Variants in CSMD3 observed in about 807,000 individuals in gnomAD.
CSMD3 encodes CUB and Sushi multiple domains 3.
CSMD3 carries 177 observed loss-of-function variants against 435.2 expected under a neutral mutation model. The ratio of observed to expected loss-of-function variants is 0.41; its 90% CI spans 0.36 to 0.46. CSMD3 has a LOEUF of 0.46. CSMD3 is among the 20% of genes least tolerant of loss of function. The pLI is 0.34. For missense variants in CSMD3, 4,265 were observed against 4,504.6 expected, an observed-to-expected ratio of 0.95 and a Z score of 1.52; for synonymous variants, 1,656 against 1,520.5, an observed-to-expected ratio of 1.09 and a Z score of -2.07.
At chr8:112,997,576 G>T (rs898707210) in intron 6 of CSMD3, among the ~76,000 whole-genome samples, 1 of 151,482 alleles carries the variant, frequency 6.6e-6, no homozygotes, top group Non-Finnish European at 1.5e-5. Flanking sequence ...ATAAAGGTGA[G>T]AATTTGATGG....
At chr8:112,759,750 T>C (rs2077791655) in intron 13 of CSMD3, among the ~76,000 whole-genome samples, 1 of 152,134 alleles carries the variant, frequency 6.6e-6, no homozygotes, top group South Asian at 2.1e-4. Flanking sequence ...TTCGCAGCCT[T>C]TTAGTGATCT....
At chr8:113,189,892 A>T (rs1187835932) in intron 3 of CSMD3, among the ~76,000 whole-genome samples, 1 of 151,830 alleles carries the variant, frequency 6.6e-6, no homozygotes, top group African/African-American at 2.4e-5. Context: ...TAGTTTGGAA[A>T]TATTTTATTG....
At chr8:113,355,281 CAT>C (rs372642920) in intron 1 of CSMD3, among the ~76,000 whole-genome samples, 12 of 150,780 alleles carry the variant, frequency 8.0e-5, no homozygotes, top group Non-Finnish European at 1.3e-4. Flanking sequence ...CACACACACA[CAT>C]ATATATATAT....
chr8:113,055,249 C>G (rs936214192), intron 5 of CSMD3, among the ~76,000 whole-genome samples: 4 of 152,158 alleles, frequency 2.6e-5, no homozygotes, highest in African/African-American at 9.6e-5. Context: ...CTCCTGCGTT[C>G]AAGCAATTCT....
chr8:112,262,499 A>C (rs1816516180), intron 61 of CSMD3, among the ~76,000 whole-genome samples: 1 of 152,178 alleles, frequency 6.6e-6, no homozygotes. Context: ...AATGTATAGT[A>C]TGTCTTAGGA....
chr8:112,352,550 G>A lies in CSMD3; in HGVS notation c.6137-16C>T, dbSNP rs776007477. The A allele has an allele frequency of 6.3e-7, 1 of 1,595,252 alleles. No individual in the cohort carries two copies. The highest frequency in any genetic ancestry group is 8.6e-7 in the Non-Finnish European group (1 of 1,163,892). On this transcript the variant is annotated splice_polypyrimidine_tract_variant and intron_variant, in intron 38 of 70. Transcript: ENST00000297405. The stretch of plus-strand genomic sequence containing the variant: ...AAACCAATTGCTAAGAATATTTAAT[G>A]ATAACAATTTAAGTAACTTTCAAGT...
At chr8:112,917,000 C>G (rs999703150) in intron 10 of CSMD3, among the ~76,000 whole-genome samples, 1 of 151,856 alleles carries the variant, frequency 6.6e-6, no homozygotes, top group East Asian at 1.9e-4. Context: ...GCAGCTCTTA[C>G]GTTTGACCAG....
chr8:113,080,598 G>A (rs929966530), intron 5 of CSMD3, among the ~76,000 whole-genome samples: 2 of 152,074 alleles, frequency 1.3e-5, no homozygotes, highest in African/African-American at 2.4e-5. Flanking sequence ...AAATAAGGAA[G>A]TCATTCATTT....
At chr8:113,423,566 T>C (rs1326114278) in intron 1 of CSMD3, among the ~76,000 whole-genome samples, 1 of 151,988 alleles carries the variant, frequency 6.6e-6, no homozygotes, top group Non-Finnish European at 1.5e-5. Context: ...TTGTATAATA[T>C]AGCTTTGTCA....
At chr8:113,022,854 C>G (rs1564219700) in intron 5 of CSMD3, among the ~76,000 whole-genome samples, 1 of 151,814 alleles carries the variant, frequency 6.6e-6, no homozygotes. Context: ...GACAATAATA[C>G]AGAGTAACTT....
intron 1 of CSMD3, among the ~76,000 whole-genome samples, chr8:113,357,625 T>C (rs2094240785): frequency 6.6e-6 from 1 of 152,212 alleles, no homozygotes; most frequent in African/African-American, 2.4e-5. Context: ...TGGAGTATGA[T>C]ATGGTTTGGC....
At chr8:112,532,444 A>T (rs1298954446) in intron 27 of CSMD3, among the ~76,000 whole-genome samples, 1 of 152,182 alleles carries the variant, frequency 6.6e-6, no homozygotes, top group Non-Finnish European at 1.5e-5. Context: ...TGTCAAGGAC[A>T]AAGAGGATTC....
At chr8:113,365,696 G>A (rs912691119) in intron 1 of CSMD3, among the ~76,000 whole-genome samples, 2 of 151,868 alleles carry the variant, frequency 1.3e-5, no homozygotes, top group Admixed American at 6.6e-5. Context: ...AACAAAAATC[G>A]GACCTGAACA....
Position 112,685,594 on chromosome 8 carries a change from T to A in CSMD3, c.2294A>T (p.Asp765Val), listed in dbSNP as rs2075992879. The A allele has an allele frequency of 6.2e-7, 1 of 1,613,782 alleles. No individual in the cohort carries two copies. Residue 765 changes from aspartate (D) to valine (V), a missense_variant, in exon 15 of 71, where the codon GAC becomes GTC. Transcript: ENST00000297405. ...ATCAAACTGGGATTCCAGGTCAAAG[T>A]CATTGAAAGAAAGATGTATCCGGCT... Reference protein sequence around the residue: ...PGSRIHLSFNDFDLESQFDFL... With the variant: ...PGSRIHLSFNVFDLESQFDFL...
intron 3 of CSMD3, among the ~76,000 whole-genome samples, chr8:113,222,469 AT>A (rs1180546990): frequency 6.6e-6 from 1 of 151,064 alleles, no homozygotes; most frequent in African/African-American, 2.4e-5. Context: ...GCTATAAAAC[AT>A]TATTTTCATA....
chr8:113,352,757 A>G (rs2094198320), intron 1 of CSMD3, among the ~76,000 whole-genome samples: 2 of 152,202 alleles, frequency 1.3e-5, no homozygotes, highest in African/African-American at 4.8e-5. Flanking sequence ...GGATGGCTAA[A>G]GAGCAGTAGT....
chr8:112,859,001 G>GT, intron 11 of CSMD3, 144 bp downstream of exon 11: 3 of 673,734 alleles, frequency 4.5e-6, no homozygotes, highest in Non-Finnish European at 7.6e-6. Flanking sequence ...TATAAATCTG[G>GT]TTTATAAACT....
chr8:113,330,855 A>T (rs995957861), intron 1 of CSMD3, among the ~76,000 whole-genome samples: 1 of 151,916 alleles, frequency 6.6e-6, no homozygotes, highest in Non-Finnish European at 1.5e-5. Flanking sequence ...CTCTGCTTTC[A>T]GTAATGGATA....
chr8:113,212,709 A>G (rs1461195008), intron 3 of CSMD3, among the ~76,000 whole-genome samples: 1 of 151,080 alleles, frequency 6.6e-6, no homozygotes, highest in Admixed American at 6.6e-5. Context: ...GGACACAGGA[A>G]GGGGAACCTC....
Sources: gnomAD v4.1 joint callset for allele counts (sites outside exome capture counted in the v4.1 genomes callset) on GRCh38, gnomAD v4.1.1 for gene constraint, MANE v1.5 for transcripts, NCBI Gene and HGNC (gene_info 2026-07-23, HGNC 2026-07-21) for gene names.